Variants in ZCCHC7 observed in about 807,000 individuals in gnomAD.
ZCCHC7 encodes the protein zinc finger CCHC-type containing 7, also known as zinc finger CCHC domain-containing protein 7.
Under a neutral mutation model 52.0 loss-of-function variants are expected in ZCCHC7, and 35 were observed. The observed-to-expected ratio is 0.67, with a 90% CI of 0.51 to 0.89. The LOEUF (loss-of-function observed/expected upper bound fraction) is 0.89. Ranked by LOEUF, ZCCHC7 falls within the 40% of genes least tolerant of loss-of-function variation. The pLI, the probability that ZCCHC7 is intolerant of heterozygous loss-of-function variation, is 0.00. For synonymous variants in ZCCHC7, 217 were observed against 221.5 expected, an observed-to-expected ratio of 0.98 and a Z score of 0.18; for missense variants, 574 against 649.1, an observed-to-expected ratio of 0.88 and a Z score of 1.26.
chr9:37,323,529 G>T (rs1830129767), intron 5 of ZCCHC7, among the ~76,000 whole-genome samples: 1 of 152,100 alleles, frequency 6.6e-6, no homozygotes, highest in Non-Finnish European at 1.5e-5. Context: ...ATACCGATTG[G>T]TTAAAAAAAT....
At chr9:37,231,120 AT>A (rs1237071025) in intron 2 of ZCCHC7, among the ~76,000 whole-genome samples, 1 of 151,876 alleles carries the variant, frequency 6.6e-6, no homozygotes, top group Non-Finnish European at 1.5e-5. Flanking sequence ...AATTTTTTCT[AT>A]TTTTAGTAGA....
At chr9:37,126,100 G>T (rs1343936746) in intron 1 of ZCCHC7, among the ~76,000 whole-genome samples, 1 of 152,148 alleles carries the variant, frequency 6.6e-6, no homozygotes, top group Non-Finnish European at 1.5e-5. Context: ...AACTCAATTT[G>T]TCAGTAGTAA....
intron 2 of ZCCHC7, among the ~76,000 whole-genome samples, chr9:37,299,669 A>T (rs905433054): frequency 6.6e-6 from 1 of 152,178 alleles, no homozygotes; most frequent in Non-Finnish European, 1.5e-5. Context: ...TCAAATCAAA[A>T]CTGGAACCTT....
At chr9:37,163,159 C>T (rs1821201186) in intron 2 of ZCCHC7, among the ~76,000 whole-genome samples, 2 of 151,980 alleles carry the variant, frequency 1.3e-5, no homozygotes, top group African/African-American at 4.8e-5. Context: ...CGAGATCGCA[C>T]CACTGCAGTT....
intron 5 of ZCCHC7, among the ~76,000 whole-genome samples, chr9:37,316,835 G>A (rs1487468755): frequency 6.7e-6 from 1 of 149,368 alleles, no homozygotes; most frequent in East Asian, 1.9e-4. Context: ...TACCACCTGA[G>A]CTGCCAGTAC....
intron 2 of ZCCHC7, among the ~76,000 whole-genome samples, chr9:37,183,259 T>C (rs1197900526): frequency 6.6e-6 from 1 of 152,240 alleles, no homozygotes; most frequent in African/African-American, 2.4e-5. Context: ...TTTGAAGCTG[T>C]GTGAACTCTC....
rs144459565 is a variant in ZCCHC7, at chr9:37,255,483, C to T, written c.611-46705C>T. On this transcript the variant is annotated intron_variant, in intron 2 of 8. Coordinates refer to ENST00000336755, the MANE Select transcript of ZCCHC7 (RefSeq NM_032226.3). ...GACAGTGCAAGATTTCATCATGCTA[C>T]TCAGAATGGCGTGCAGTTTAAAACT... Among the ~76,000 whole-genome samples the T allele has an allele frequency of 1.6e-3, 245 of 152,206 alleles. 1 individual carries two copies. Among genetic ancestry groups the T allele is most frequent in the African/African-American group, 5.7e-3 (236 of 41,550 alleles).
intron 2 of ZCCHC7, among the ~76,000 whole-genome samples, chr9:37,300,067 C>G (rs1266612720): frequency 2.6e-5 from 4 of 152,144 alleles, no homozygotes; most frequent in Admixed American, 2.6e-4. Context: ...TGGAACCAAT[C>G]CCTCATATAT....
chr9:37,255,312 A>G (rs1300205582), intron 2 of ZCCHC7, among the ~76,000 whole-genome samples: 2 of 152,084 alleles, frequency 1.3e-5, no homozygotes, highest in Non-Finnish European at 2.9e-5. Flanking sequence ...GTGATGTAGT[A>G]TTAGGCTACT....
rs187040112 is a variant in ZCCHC7 at position 37,165,346 on chromosome 9, A to C, written c.610+38404A>C. On this transcript the variant is annotated intron_variant, in intron 2 of 8. Coordinates refer to ENST00000336755, the MANE Select transcript of ZCCHC7 (RefSeq NM_032226.3). ...TTTTTTTTCTTGCCATATTGGATGG[A>C]AGGGAACCTTAAGTATAGGGCGAGA... Among the ~76,000 whole-genome samples the C allele has an allele frequency of 3.9e-5, 6 of 151,998 alleles. No homozygotes were observed. The East Asian group carries it at 1.2e-3, about 29-fold the overall frequency.
chr9:37,351,793 A>G (rs1237051426), intron 7 of ZCCHC7, among the ~76,000 whole-genome samples: 3 of 152,218 alleles, frequency 2.0e-5, no homozygotes, highest in Non-Finnish European at 4.4e-5. Context: ...GAGGGGTATA[A>G]TTTTAGCATT....
chr9:37,308,345 T>G (rs1347699723), intron 5 of ZCCHC7, among the ~76,000 whole-genome samples: 1 of 130,038 alleles, frequency 7.7e-6, no homozygotes, highest in East Asian at 1.9e-4. Context: ...ATAGCATCTG[T>G]TTTTTTTTTA....
intron 5 of ZCCHC7, 26 bp downstream of exon 5, chr9:37,305,740 T>C: frequency 6.2e-7 from 1 of 1,609,156 alleles, no homozygotes; most frequent in Non-Finnish European, 8.5e-7. Context: ...ATAACTAATT[T>C]GTCAGGCTTT....
At chr9:37,325,858 C>G (rs768702314) in intron 5 of ZCCHC7, among the ~76,000 whole-genome samples, 3 of 152,154 alleles carry the variant, frequency 2.0e-5, no homozygotes, top group Non-Finnish European at 4.4e-5. Flanking sequence ...TTTCATGTCT[C>G]TCACTACTAA....
intron 2 of ZCCHC7, among the ~76,000 whole-genome samples, chr9:37,249,009 C>A (rs541346722): frequency 6.6e-6 from 1 of 152,276 alleles, no homozygotes; most frequent in Non-Finnish European, 1.5e-5. Flanking sequence ...TTGTGGATAT[C>A]TCATATCTTC....
chr9:37,206,421 G>A (rs189452871), intron 2 of ZCCHC7, among the ~76,000 whole-genome samples: 23 of 151,832 alleles, frequency 1.5e-4, no homozygotes, highest in Middle Eastern at 6.8e-3. Context: ...GTGGTGGCGC[G>A]ATCTTGGCTC....
intron 6 of ZCCHC7, among the ~76,000 whole-genome samples, chr9:37,340,868 T>C (rs908768309): frequency 3.3e-5 from 5 of 152,138 alleles, no homozygotes; most frequent in African/African-American, 1.2e-4. Flanking sequence ...AATGAGAGTA[T>C]GTAGATAGCG....
At chr9:37,298,993 A>G (rs1252341691) in intron 2 of ZCCHC7, among the ~76,000 whole-genome samples, 1 of 152,168 alleles carries the variant, frequency 6.6e-6, no homozygotes, top group East Asian at 1.9e-4. Context: ...TAATCTTCCA[A>G]TAGATGTTTG....
chr9:37,281,624 A>G (rs139658598), intron 2 of ZCCHC7, among the ~76,000 whole-genome samples: 1 of 152,358 alleles, frequency 6.6e-6, no homozygotes, highest in East Asian at 1.9e-4. Flanking sequence ...TCTCATTTTG[A>G]ATCTCATTTT....
Sources: allele counts gnomAD v4.1 joint callset (sites outside exome capture counted in the v4.1 genomes callset), GRCh38; gene constraint gnomAD v4.1.1; transcripts MANE v1.5; gene names NCBI Gene and HGNC (gene_info 2026-07-23, HGNC 2026-07-21).